The following PANX1 variants were observed in gnomAD, a reference collection of about 807,000 sequenced individuals.
PANX1 encodes pannexin-1.
Under a neutral mutation model 38.7 loss-of-function variants are expected in PANX1, and 30 were observed. That is an observed-to-expected ratio of 0.78 (90% CI 0.58 to 1.05). PANX1 has a LOEUF of 1.05. Among genes scored for constraint, PANX1 ranks in the 50% least tolerant of loss-of-function variants. The probability of loss-of-function intolerance (pLI) is 0.00; values close to 1 mark genes in which losing one functional copy is unlikely to be tolerated. For missense variants in PANX1, 551 were observed against 517.2 expected (o/e 1.07, Z -0.63); for synonymous variants, 230 against 212.2 (o/e 1.08, Z -0.73).
At chr11:94,161,200 G>A (rs545719161) in intron 2 of PANX1, among the ~76,000 whole-genome samples, 14 of 152,198 alleles carry the variant, frequency 9.2e-5, no homozygotes, top group African/African-American at 3.4e-4. Flanking sequence ...ACAATTATGT[G>A]TCTTGGAGTT....
At chr11:94,137,054 C>T (rs1242990197) in intron 1 of PANX1, among the ~76,000 whole-genome samples, 2 of 152,062 alleles carry the variant, frequency 1.3e-5, no homozygotes, top group African/African-American at 2.4e-5. Flanking sequence ...ACCTGTAATC[C>T]CAGCACTTTG....
At chr11:94,153,930 T>G (rs984394508) in intron 2 of PANX1, among the ~76,000 whole-genome samples, 2 of 152,220 alleles carry the variant, frequency 1.3e-5, no homozygotes, top group Non-Finnish European at 2.9e-5. Context: ...TGGCCCGTAG[T>G]AGGTTCTTAG....
chr11:94,180,135 G>T lies in PANX1; in HGVS notation c.1079G>T (p.Gly360Val). Residue 360 changes from glycine (G) to valine (V), a missense_variant, in exon 4 of 5, where the codon GGG (glycine) becomes GTG (valine). By Grantham distance (109) the Gly-to-Val change is moderately radical. Coordinates refer to ENST00000227638, the MANE Select transcript of PANX1 (RefSeq NM_015368.4). ...GAGAATATTAAGAGCAGTGGTCAGG[G>T]GATCGACCCAATGCTACTCCTGACA... The part of the protein sequence containing the change: ...VLENIKSSGQ[G>V]IDPMLLLTNL... 6.2e-7 allele frequency: 1 copy of T among 1,613,838 alleles called. No individual in the cohort carries two copies. Among genetic ancestry groups the T allele is most frequent in the African/African-American group, 1.3e-5 (1 of 74,930 alleles).
intron 2 of PANX1, among the ~76,000 whole-genome samples, chr11:94,172,150 C>G (rs1356957993): frequency 6.6e-6 from 1 of 151,664 alleles, no homozygotes; most frequent in Non-Finnish European, 1.5e-5. Flanking sequence ...TTAGCATTGC[C>G]AGAGTGGCCT....
chr11:94,151,286 T>C (rs567841307), intron 1 of PANX1, among the ~76,000 whole-genome samples: 24 of 152,148 alleles, frequency 1.6e-4, no homozygotes, highest in Non-Finnish European at 3.2e-4. Flanking sequence ...AGTGTAGTTA[T>C]TTCTGCTCCA....
At chr11:94,132,990 A>G (rs1016839475) in intron 1 of PANX1, among the ~76,000 whole-genome samples, 2 of 152,234 alleles carry the variant, frequency 1.3e-5, no homozygotes, top group Admixed American at 6.5e-5. Context: ...TTGGCTTCAT[A>G]TTAAAGGCTT....
intron 1 of PANX1, among the ~76,000 whole-genome samples, chr11:94,129,844 TC>T (rs1267384324): frequency 6.6e-6 from 1 of 152,194 alleles, no homozygotes; most frequent in East Asian, 1.9e-4. Flanking sequence ...TACATATTTG[TC>T]CAGCCGCCTA....
At chr11:94,147,057 CAG>C (rs1046400781) in intron 1 of PANX1, among the ~76,000 whole-genome samples, 21 of 152,212 alleles carry the variant, frequency 1.4e-4, no homozygotes, top group African/African-American at 5.1e-4. Flanking sequence ...GGGTGTATGG[CAG>C]AGTGTTAACA....
intron 2 of PANX1, among the ~76,000 whole-genome samples, chr11:94,162,919 C>T (rs996564449): frequency 7.4e-5 from 11 of 148,416 alleles, no homozygotes; most frequent in Non-Finnish European, 1.2e-4. Context: ...TCACCCAGGC[C>T]TGAGTGTAGT....
At position 94,179,479 on chromosome 11, in the gene PANX1, T is replaced by C. The variant is rs964311218; in HGVS notation, c.546-123T>C. 59 of 638,148 alleles carry C rather than the reference T, an allele frequency of 9.2e-5. No individual in the cohort carries two copies. The Middle Eastern group carries it at 2.5e-3, about 27-fold the overall frequency. 39.5% of individuals were successfully genotyped at this position (638,148 alleles called of 1,614,324 possible). A position where few individuals can be genotyped will look rare whatever the true frequency, so the allele number is the denominator to read the frequency against. ...CGGATTTTATTTTTGACTACTGACGTTGTAGGTAAAGAAGTATGGGTGTTT... is the reference window on the plus strand; with the variant it reads ...CGGATTTTATTTTTGACTACTGACGCTGTAGGTAAAGAAGTATGGGTGTTT... On this transcript the variant is annotated intron_variant, in intron 3 of 4. Transcript: ENST00000227638.
At chr11:94,142,520 G>C (rs1263699176) in intron 1 of PANX1, among the ~76,000 whole-genome samples, 1 of 152,162 alleles carries the variant, frequency 6.6e-6, no homozygotes, top group East Asian at 1.9e-4. Context: ...CAGCTTTAAG[G>C]ACTCAGTGTT....
intron 4 of PANX1, 38 bp downstream of exon 4, chr11:94,180,295 C>CG (rs761716635): frequency 6.7e-7 from 1 of 1,496,230 alleles, no homozygotes; most frequent in East Asian, 2.3e-5. Context: ...GGGAGTCTAC[C>CG]GAGAGCCTTT....
intron 2 of PANX1, among the ~76,000 whole-genome samples, chr11:94,170,000 A>C (rs1460196743): frequency 1.3e-5 from 2 of 151,786 alleles, no homozygotes; most frequent in African/African-American, 4.9e-5. Flanking sequence ...CAGTAATCGC[A>C]GCTGCTTTAT....
Position 94,178,462 on chromosome 11 carries a change from T to A in PANX1, c.415T>A (p.Leu139Met), listed in dbSNP as rs1947261647. The change falls in exon 3 of 5, where the codon TTG becomes ATG. Residue 139 changes from leucine (L) to methionine (M), a missense_variant. Physicochemically the swap from Leu to Met is conservative, Grantham distance 15. Coordinates refer to ENST00000227638, the MANE Select transcript of PANX1 (RefSeq NM_015368.4). ...FAAAPHICSD[L>M]KFIMEELDKV... is the part of the protein sequence containing the mutation. ...AGCTGCTCCTCATATTTGCTCAGAC[T>A]TGAAGTTTATCATGGAAGAACTTGA... The A allele has an allele frequency of 1.9e-6, 3 of 1,614,008 alleles. No individual in the cohort carries two copies. The highest frequency in any genetic ancestry group is 1.3e-5 in the African/African-American group (1 of 74,924).
At chr11:94,164,805 T>G (rs1260352851) in intron 2 of PANX1, among the ~76,000 whole-genome samples, 1 of 152,244 alleles carries the variant, frequency 6.6e-6, no homozygotes, top group African/African-American at 2.4e-5. Context: ...TATATTGGGC[T>G]TTATCCCTCT....
intron 2 of PANX1, among the ~76,000 whole-genome samples, chr11:94,161,827 GT>G (rs1052141652): frequency 6.6e-6 from 1 of 152,146 alleles, no homozygotes; most frequent in African/African-American, 2.4e-5. Context: ...TTTCTGCTCT[GT>G]TTTTTCCCCA....
intron 1 of PANX1, among the ~76,000 whole-genome samples, chr11:94,137,542 G>T (rs4753543): frequency 6.6e-6 from 1 of 151,468 alleles, no homozygotes; most frequent in Non-Finnish European, 1.5e-5. Flanking sequence ...AACTCTGGGC[G>T]AGGCAGGCCC....
At chr11:94,144,576 G>T (rs1946805352) in intron 1 of PANX1, among the ~76,000 whole-genome samples, 1 of 152,140 alleles carries the variant, frequency 6.6e-6, no homozygotes, top group Non-Finnish European at 1.5e-5. Flanking sequence ...CAGCTCTGTG[G>T]TTTTTAATGA....
intron 2 of PANX1, among the ~76,000 whole-genome samples, chr11:94,159,309 A>G (rs1859144430): frequency 6.6e-6 from 1 of 152,280 alleles, no homozygotes; most frequent in African/African-American, 2.4e-5. Flanking sequence ...ATTGATTGGA[A>G]TAGTTTCAGA....
Sources: allele counts gnomAD v4.1 joint callset (sites outside exome capture counted in the v4.1 genomes callset), GRCh38; gene constraint gnomAD v4.1.1; transcripts MANE v1.5; gene names NCBI Gene and HGNC (gene_info 2026-07-23, HGNC 2026-07-21).